Variants in KCND2 observed in about 807,000 individuals in gnomAD.
KCND2 encodes the protein A-type voltage-gated potassium channel KCND2.
In KCND2, 16 loss-of-function variants were observed where a neutral mutation model predicts 54.4. The ratio of observed to expected loss-of-function variants is 0.29; its 90% confidence interval spans 0.20 to 0.45. KCND2 has a LOEUF of 0.45. KCND2 is among the 20% of genes least tolerant of loss of function. The pLI is 1.00. For missense variants in KCND2, 486 were observed against 824.2 expected, an observed-to-expected ratio of 0.59 and a Z score of 5.02; for synonymous variants, 317 against 310.7, an observed-to-expected ratio of 1.02 and a Z score of -0.21.
At chr7:120,659,275 A>C (rs1263046665) in intron 1 of KCND2, among the ~76,000 whole-genome samples, 1 of 151,656 alleles carries the variant, frequency 6.6e-6, no homozygotes, top group Non-Finnish European at 1.5e-5. Flanking sequence ...TCTACTTCTA[A>C]GATGAATGGA....
At chr7:120,435,084 CAATA>C (rs1801847004) in intron 1 of KCND2, among the ~76,000 whole-genome samples, 2 of 141,254 alleles carry the variant, frequency 1.4e-5, no homozygotes, top group Non-Finnish European at 3.1e-5. Flanking sequence ...GAATAACAAA[CAATA>C]AATTTTATTT....
At chr7:120,475,078 G>A (rs1203940198) in intron 1 of KCND2, among the ~76,000 whole-genome samples, 2 of 152,150 alleles carry the variant, frequency 1.3e-5, no homozygotes, top group Non-Finnish European at 2.9e-5. Context: ...TTCACTCTAT[G>A]TGAAATGTTG....
At chr7:120,322,785 T>G (rs569236196) in intron 1 of KCND2, among the ~76,000 whole-genome samples, 105 of 152,218 alleles carry the variant, frequency 6.9e-4, no homozygotes, top group Non-Finnish European at 1.4e-3. Flanking sequence ...CTCAGTAACT[T>G]TGTCTTTTGA....
intron 1 of KCND2, among the ~76,000 whole-genome samples, chr7:120,603,067 A>T (rs553581415): frequency 2.0e-5 from 3 of 152,202 alleles, no homozygotes; most frequent in Non-Finnish European, 4.4e-5. Flanking sequence ...ACACTACTAA[A>T]TAACACAAGT....
At chr7:120,378,788 AG>A (rs1404610891) in intron 1 of KCND2, among the ~76,000 whole-genome samples, 1 of 152,030 alleles carries the variant, frequency 6.6e-6, no homozygotes. Context: ...CTTTCTTATT[AG>A]GACTCTTACC....
In KCND2 at chr7:120,281,503, T is replaced by C. The variant is rs182529771; in HGVS notation, c.1115+5756T>C. Among the ~76,000 whole-genome samples the C allele has an allele frequency of 3.9e-3, 586 of 152,130 alleles. 1 individual carries two copies. Among genetic ancestry groups the C allele is most frequent in the Non-Finnish European group, 6.3e-3 (430 of 67,970 alleles). On this transcript the variant is annotated intron_variant, in intron 1 of 5. Coordinates refer to ENST00000331113, the MANE Select transcript of KCND2 (RefSeq NM_012281.3). Reference sequence around the variant, plus strand: ...ACTGCTCTTTGAATGTTTTGCCCTTTAGTTTTCTCCTTTGAGAGGCAGCCT... The same window carrying C: ...ACTGCTCTTTGAATGTTTTGCCCTTCAGTTTTCTCCTTTGAGAGGCAGCCT...
At chr7:120,334,429 T>C (rs1305526181) in intron 1 of KCND2, among the ~76,000 whole-genome samples, 5 of 152,188 alleles carry the variant, frequency 3.3e-5, no homozygotes, top group South Asian at 2.1e-4. Flanking sequence ...ATAATTCTCA[T>C]TTATTTGGGA....
At chr7:120,334,756 A>G (rs1313943748) in intron 1 of KCND2, among the ~76,000 whole-genome samples, 1 of 152,218 alleles carries the variant, frequency 6.6e-6, no homozygotes, top group Non-Finnish European at 1.5e-5. Context: ...CAGTAGAAAC[A>G]GTTTATTTGC....
At chr7:120,434,829 A>G (rs80229131) in intron 1 of KCND2, among the ~76,000 whole-genome samples, 1 of 150,630 alleles carries the variant, frequency 6.6e-6, no homozygotes, top group East Asian at 1.9e-4. Flanking sequence ...AAAAAAAAAA[A>G]TAGACTTTTC....
At chr7:120,487,664 A>G (rs535288263) in intron 1 of KCND2, among the ~76,000 whole-genome samples, 3 of 152,138 alleles carry the variant, frequency 2.0e-5, no homozygotes, top group African/African-American at 7.2e-5. Context: ...GGTCTCCCCA[A>G]TCCCTCTCCT....
intron 1 of KCND2, among the ~76,000 whole-genome samples, chr7:120,457,264 A>C (rs1305272383): frequency 2.0e-5 from 3 of 152,174 alleles, no homozygotes; most frequent in African/African-American, 7.2e-5. Flanking sequence ...GGTGATTAAC[A>C]TCAGCTCCTC....
intron 1 of KCND2, among the ~76,000 whole-genome samples, chr7:120,715,335 A>T (rs576494726): frequency 2.0e-5 from 3 of 152,186 alleles, no homozygotes; most frequent in African/African-American, 7.2e-5. Context: ...TTCTAATACT[A>T]CTTAGGCTTT....
At chr7:120,694,851 A>G (rs1055589188) in intron 1 of KCND2, among the ~76,000 whole-genome samples, 1 of 151,994 alleles carries the variant, frequency 6.6e-6, no homozygotes, top group Admixed American at 6.6e-5. Context: ...ATGTTTCTCT[A>G]CCTTTGCTCC....
In KCND2 at chr7:120,742,733, C is replaced by T. The variant is rs974479107; in HGVS notation, c.1467+131C>T. On this transcript the variant is annotated intron_variant, in intron 4 of 5. Coordinates refer to ENST00000331113, the MANE Select transcript of KCND2 (RefSeq NM_012281.3). ...GAAAACATGCTAAAAAACAAACAAA[C>T]CAAAACCCCACAATATTTGAAATTA... 2.4e-5 allele frequency: 18 copies of T among 736,346 alleles called. 1 individual carries two copies. The highest frequency in any genetic ancestry group is 1.2e-4 in the South Asian group (8 of 69,128). 45.6% of individuals were successfully genotyped at this position (736,346 alleles called of 1,614,324 possible). A position where few individuals can be genotyped will look rare whatever the true frequency, so the allele number is the denominator to read the frequency against.
chr7:120,688,558 AT>A (rs1166300523), intron 1 of KCND2, among the ~76,000 whole-genome samples: 5 of 152,188 alleles, frequency 3.3e-5, no homozygotes, highest in Non-Finnish European at 7.3e-5. Flanking sequence ...CATCGCACAG[AT>A]AATTTGTTGT....
intron 1 of KCND2, among the ~76,000 whole-genome samples, chr7:120,479,538 ATC>A (rs1423432734): frequency 2.1e-4 from 32 of 151,752 alleles, no homozygotes; most frequent in African/African-American, 7.2e-4. Context: ...AAACTTTCAA[ATC>A]TCTGGTTTAC....
chr7:120,379,286 A>G (rs1702529018), intron 1 of KCND2, among the ~76,000 whole-genome samples: 1 of 152,042 alleles, frequency 6.6e-6, no homozygotes, highest in Non-Finnish European at 1.5e-5. Context: ...ATGTAATAAC[A>G]TATGTCAGGG....
At chr7:120,639,742 TGTC>T (rs1793348425) in intron 1 of KCND2, among the ~76,000 whole-genome samples, 1 of 152,176 alleles carries the variant, frequency 6.6e-6, no homozygotes, top group South Asian at 2.1e-4. Flanking sequence ...TTGTCTGCCT[TGTC>T]GTGTTACGTG....
Position 120,712,241 on chromosome 7 carries a change from ATTTTTTTTTTTTTTTTTTTTT to A in KCND2, c.1116-20642_1116-20622del, listed in dbSNP as rs869059871. ...TTTTCTTTGAATTTTGGATATCTGAATTTTTTTTTTTTTTTTTTTTTTTTTTTTTTTTTTTTTTTTGAGATG... is the reference window on the plus strand; with the variant it reads ...TTTTCTTTGAATTTTGGATATCTGAATTTTTTTTTTTTTTTTTTTGAGATG... On this transcript the variant is annotated intron_variant, in intron 1 of 5. Coordinates refer to ENST00000331113, the MANE Select transcript of KCND2 (RefSeq NM_012281.3). Among the ~76,000 whole-genome samples, 324 of 34,790 alleles carry A rather than the reference ATTTTTTTTTTTTTTTTTTTTT, an allele frequency of 9.3e-3. 5 individuals carry two copies. Among genetic ancestry groups the A allele is most frequent in the African/African-American group, 0.038 (314 of 8,294 alleles). The allele number at this position is 34,790 out of a possible 152,430, so 22.8% of individuals were successfully genotyped here.
Sources: allele counts gnomAD v4.1 joint callset (sites outside exome capture counted in the v4.1 genomes callset), GRCh38; gene constraint gnomAD v4.1.1; transcripts MANE v1.5; gene names NCBI Gene and HGNC (gene_info 2026-07-23, HGNC 2026-07-21).